SPSB1: variants seen among roughly 807,000 people sequenced by gnomAD.
SPSB1 encodes the protein SPRY domain-containing SOCS box protein 1.
A neutral mutation model predicts 21.2 loss-of-function variants in SPSB1; 8 were observed. The observed-to-expected ratio is 0.38, with a 90% CI of 0.22 to 0.68. SPSB1 has a LOEUF of 0.68. SPSB1 is among the 30% of genes least tolerant of loss of function. The probability of loss-of-function intolerance (pLI) is 0.53; values close to 1 mark genes in which losing one functional copy is unlikely to be tolerated. For synonymous variants in SPSB1, 169 were observed against 161.7 expected (o/e 1.05, Z -0.34); for missense variants, 242 against 377.8 (o/e 0.64, Z 2.98).
At chr1:9,314,091 G>A (rs1056951709) in intron 1 of SPSB1, among the ~76,000 whole-genome samples, 1 of 151,526 alleles carries the variant, frequency 6.6e-6, no homozygotes, top group African/African-American at 2.4e-5. Context: ...CAGGAGAATT[G>A]CTTGAACCAA....
Position 9,359,409 on chromosome 1 carries a change from AGT to A in SPSB1, c.694+2827_694+2828del, listed in dbSNP as rs141559946. ...TTGAGGCAGCATCTTGTGTCTTAGGAGTGTCGTTCTGCGGCTGGGCGCGGTGG... is the reference window on the plus strand; with the variant it reads ...TTGAGGCAGCATCTTGTGTCTTAGGAGTCGTTCTGCGGCTGGGCGCGGTGG... On this transcript the variant is annotated intron_variant, in intron 2 of 2. Transcript: ENST00000328089. 3.8e-3 allele frequency among the ~76,000 whole-genome samples: 581 copies of A among 152,282 alleles called. 3 individuals carry two copies. Among genetic ancestry groups the A allele is most frequent in the African/African-American group, 8.7e-3 (361 of 41,554 alleles).
intron 2 of SPSB1, among the ~76,000 whole-genome samples, chr1:9,366,560 C>T (rs975053959): frequency 3.3e-5 from 5 of 150,990 alleles, no homozygotes; most frequent in South Asian, 2.1e-4. Flanking sequence ...CCCCTCTGTG[C>T]CTGTGTGTCC....
chr1:9,296,182 C>T (rs987326081), intron 1 of SPSB1, among the ~76,000 whole-genome samples: 4 of 152,194 alleles, frequency 2.6e-5, no homozygotes, highest in Non-Finnish European at 5.9e-5. Context: ...CATGGTTTCA[C>T]GGTGCGTGCG....
chr1:9,355,682 G>A (rs965338627), intron 1 of SPSB1, 61 bp from the exon 2 acceptor site: 47 of 1,289,838 alleles, frequency 3.6e-5, no homozygotes, highest in Non-Finnish European at 4.6e-5. Context: ...TGCCCTCCGG[G>A]TTAACTTTCC....
Position 9,367,149 on chromosome 1 carries a change from A to T in SPSB1, c.695-299A>T, listed in dbSNP as rs1640588672. On this transcript the variant is annotated intron_variant, in intron 2 of 2. Coordinates refer to ENST00000328089, the MANE Select transcript of SPSB1 (RefSeq NM_025106.4). The surrounding 1 kb of genome is among the most constrained non-coding windows in gnomAD (Gnocchi z 5.9). ...TTAGACTCTGTCCCTCAGTTTCCTC[A>T]TCTGTAAAATGGGGATGAAGGTAAT... Among the ~76,000 whole-genome samples, 1 of 152,176 alleles carries T rather than the reference A, an allele frequency of 6.6e-6. No individual in the cohort carries two copies. Among genetic ancestry groups the T allele is most frequent in the Non-Finnish European group, 1.5e-5 (1 of 68,028 alleles).
intron 1 of SPSB1, among the ~76,000 whole-genome samples, chr1:9,351,142 G>C (rs957573899): frequency 2.0e-5 from 3 of 152,230 alleles, no homozygotes; most frequent in Non-Finnish European, 4.4e-5. Context: ...TGTAAATAAA[G>C]TTTTATTGAA....
intron 2 of SPSB1, among the ~76,000 whole-genome samples, chr1:9,358,140 C>G (rs1038428719): frequency 6.6e-6 from 1 of 152,192 alleles, no homozygotes; most frequent in Admixed American, 6.5e-5. Flanking sequence ...TCCTCCCCCA[C>G]GTCAGCCTTT....
chr1:9,313,761 G>A (rs368908744), intron 1 of SPSB1, among the ~76,000 whole-genome samples: 11 of 152,362 alleles, frequency 7.2e-5, no homozygotes, highest in African/African-American at 9.6e-5. Context: ...CAGCCTGCCC[G>A]CTGTGCTTCA....
rs1009221390 is a variant in SPSB1 at position 9,346,679 on chromosome 1, C to T, written c.-149-9064C>T. 1.3e-5 allele frequency among the ~76,000 whole-genome samples: 2 copies of T among 152,208 alleles called. No individual in the cohort carries two copies. The highest frequency in any genetic ancestry group is 2.9e-5 in the Non-Finnish European group (2 of 68,038). ...CTGTCTCAGCCTCCCCCAGGGTCTG[C>T]TCTCAGTGCCTCATTCCTCCTCACC... is the stretch of plus-strand genomic sequence containing the variant. On this transcript the variant is annotated intron_variant, in intron 1 of 2. Transcript: ENST00000328089. This position sits in a 1 kb window ranked among gnomAD's most constrained non-coding sequence, Gnocchi z 4.4.
At chr1:9,339,204 G>C in intron 1 of SPSB1, 1 of 985,412 alleles carries the variant, frequency 1.0e-6, no homozygotes, top group Non-Finnish European at 1.2e-6. Flanking sequence ...GACCTGTGGG[G>C]CTTTTCTCCT....
At chr1:9,358,440 C>A (rs1640412671) in intron 2 of SPSB1, among the ~76,000 whole-genome samples, 1 of 152,184 alleles carries the variant, frequency 6.6e-6, no homozygotes, top group Non-Finnish European at 1.5e-5. Flanking sequence ...GAAATGGAAC[C>A]AGCAGAGTGA....
At chr1:9,308,708 C>T (rs954380397) in intron 1 of SPSB1, among the ~76,000 whole-genome samples, 3 of 152,162 alleles carry the variant, frequency 2.0e-5, no homozygotes, top group Admixed American at 2.0e-4. Flanking sequence ...ATGTTACCTC[C>T]CGGTTTACAG....
intron 1 of SPSB1, among the ~76,000 whole-genome samples, chr1:9,333,195 C>T (rs566718503): frequency 6.6e-6 from 1 of 152,342 alleles, no homozygotes; most frequent in East Asian, 1.9e-4. Flanking sequence ...GAGGGACCAG[C>T]ACAGCCATCT....
chr1:9,314,515 T>C (rs1639578168), intron 1 of SPSB1, among the ~76,000 whole-genome samples: 1 of 152,160 alleles, frequency 6.6e-6, no homozygotes, highest in South Asian at 2.1e-4. Context: ...CATCACCAAA[T>C]GGAGAGAGAG....
In SPSB1 at chr1:9,321,572, A is replaced by G. The variant is rs368094751; in HGVS notation, c.-150+28501A>G. 6.6e-5 allele frequency among the ~76,000 whole-genome samples: 10 copies of G among 152,316 alleles called. No individual in the cohort carries two copies. The highest frequency in any genetic ancestry group is 2.4e-4 in the African/African-American group (10 of 41,564). ...AGGGTGTTTGAGAGACTGATGAGTC[A>G]GTGAGGGAGACCGATGCATAGGCAG... On this transcript the variant is annotated intron_variant, in intron 1 of 2. Coordinates refer to ENST00000328089, the MANE Select transcript of SPSB1 (RefSeq NM_025106.4). The surrounding 1 kb of genome is among the most constrained non-coding windows in gnomAD (Gnocchi z 4.8).
rs1178353779 is a variant in SPSB1, at chr1:9,345,689, C to T, written c.-149-10054C>T. ...CGAGCCCTCTGAAAGTGCTGTGAGT[C>T]ATCTGGGCCCTTCCATAGGTGTTTA... On this transcript the variant is annotated intron_variant, in intron 1 of 2. Transcript: ENST00000328089. The surrounding 1 kb of genome is among the most constrained non-coding windows in gnomAD (Gnocchi z 4.8). Among the ~76,000 whole-genome samples, 1 of 152,204 alleles carries T rather than the reference C, an allele frequency of 6.6e-6. No homozygotes were observed. The highest frequency in any genetic ancestry group is 2.4e-5 in the African/African-American group (1 of 41,438).
intron 2 of SPSB1, among the ~76,000 whole-genome samples, chr1:9,364,834 T>G (rs1191930114): frequency 6.6e-6 from 1 of 151,578 alleles, no homozygotes; most frequent in African/African-American, 2.4e-5. Context: ...TGTTGTTTTG[T>G]TGTTGTTGTT....
chr1:9,313,359 C>A (rs189602125), intron 1 of SPSB1, among the ~76,000 whole-genome samples: 133 of 152,262 alleles, frequency 8.7e-4, no homozygotes, highest in African/African-American at 3.1e-3. Flanking sequence ...AAGATTGCAC[C>A]ACTGCACTCC....
chr1:9,348,928 C>T lies in SPSB1; in HGVS notation c.-149-6815C>T, dbSNP rs57286410. ...GATGTAAGGGACATCCCCTTTCACT[C>T]GTGCAAGAATGTGTGTGTGTGTGTG... On this transcript the variant is annotated intron_variant, in intron 1 of 2. Coordinates refer to ENST00000328089, the MANE Select transcript of SPSB1 (RefSeq NM_025106.4). This position sits in a 1 kb window ranked among gnomAD's most constrained non-coding sequence, Gnocchi z 4.8. Among the ~76,000 whole-genome samples, 113 of 129,188 alleles carry T rather than the reference C, an allele frequency of 8.7e-4. No individual in the cohort carries two copies. Among genetic ancestry groups the T allele is most frequent in the African/African-American group, 3.3e-3 (107 of 32,142 alleles). 84.8% of individuals were successfully genotyped at this position (129,188 alleles called of 152,430 possible). A position where few individuals can be genotyped will look rare whatever the true frequency, so the allele number is the denominator to read the frequency against.
Sources: allele counts gnomAD v4.1 joint callset (sites outside exome capture counted in the v4.1 genomes callset), GRCh38; gene constraint gnomAD v4.1.1; non-coding constraint Gnocchi (gnomAD v3.1); transcripts MANE v1.5; gene names NCBI Gene and HGNC (gene_info 2026-07-23, HGNC 2026-07-21).